Variants in TPRG1 observed in about 807,000 individuals in gnomAD.
The protein encoded by TPRG1 is tumor protein p63-regulated gene 1 protein.
TPRG1 carries 29 observed loss-of-function variants against 29.3 expected under a neutral mutation model. The observed-to-expected ratio is 0.99, with a 90% CI of 0.74 to 1.35. The LOEUF (loss-of-function observed/expected upper bound fraction) is 1.35. TPRG1 is among the 40% of genes most tolerant of loss of function. TPRG1 has a pLI of 0.00. For synonymous variants in TPRG1, 130 were observed against 116.8 expected (o/e 1.11, Z -0.73); for missense variants, 327 against 335.0 (o/e 0.98, Z 0.19).
At chr3:189,242,931 G>C (rs1435977090) in intron 4 of TPRG1, among the ~76,000 whole-genome samples, 12 of 151,888 alleles carry the variant, frequency 7.9e-5, no homozygotes. Flanking sequence ...GTTTATTTAA[G>C]TTGTTGCAGC....
At chr3:189,279,414 G>A (rs1317302298) in intron 4 of TPRG1, among the ~76,000 whole-genome samples, 1 of 152,226 alleles carries the variant, frequency 6.6e-6, no homozygotes, top group Non-Finnish European at 1.5e-5. Flanking sequence ...GGTGCAGAAA[G>A]AGGCAAGTAT....
At chr3:189,098,348 T>C (rs529376800), upstream of TPRG1, among the ~76,000 whole-genome samples, 1 of 152,264 alleles carries the variant, frequency 6.6e-6, no homozygotes, top group Non-Finnish European at 1.5e-5. Flanking sequence ...GAGAGCATGA[T>C]GTCATCTGCT....
upstream of TPRG1, among the ~76,000 whole-genome samples, chr3:189,095,315 A>G (rs933703917): frequency 6.6e-6 from 1 of 152,188 alleles, no homozygotes; most frequent in Non-Finnish European, 1.5e-5. Flanking sequence ...GTCATAGACC[A>G]GAGCATAGAT....
At chr3:189,139,796 T>C (rs1724294084) in intron 3 of TPRG1, among the ~76,000 whole-genome samples, 1 of 152,104 alleles carries the variant, frequency 6.6e-6, no homozygotes. Flanking sequence ...CAATCAAGCT[T>C]CTGTTAACAT....
intron 3 of TPRG1, among the ~76,000 whole-genome samples, chr3:189,144,107 A>G (rs1206439402): frequency 6.6e-6 from 1 of 152,188 alleles, no homozygotes; most frequent in East Asian, 1.9e-4. Context: ...TATCTCTGTT[A>G]AGAGTATACA....
intron 3 of TPRG1, among the ~76,000 whole-genome samples, chr3:189,145,930 ATG>A (rs917948964): frequency 1.3e-5 from 2 of 152,206 alleles, no homozygotes; most frequent in African/African-American, 4.8e-5. Context: ...TTGATATTAT[ATG>A]TGTCTGATAT....
chr3:189,144,272 T>C (rs745927088), intron 3 of TPRG1, among the ~76,000 whole-genome samples: 3 of 152,254 alleles, frequency 2.0e-5, no homozygotes, highest in African/African-American at 7.2e-5. Flanking sequence ...TTGTTTCCTA[T>C]AAGTGGACTT....
At chr3:189,078,405 G>T (rs917158905) in intron 4 of TPRG1, among the ~76,000 whole-genome samples, 1 of 151,922 alleles carries the variant, frequency 6.6e-6, no homozygotes, top group Admixed American at 6.6e-5. Flanking sequence ...CCAAAGTGCT[G>T]GGATTACAGG....
chr3:189,042,131 C>T (rs902649298), intron 4 of TPRG1, among the ~76,000 whole-genome samples: 2 of 151,590 alleles, frequency 1.3e-5, no homozygotes, highest in Non-Finnish European at 2.9e-5. Flanking sequence ...AAACATTGAA[C>T]AATGAAAATA....
chr3:189,159,673 G>T (rs939581479), intron 5 of TPRG1, among the ~76,000 whole-genome samples: 17 of 152,172 alleles, frequency 1.1e-4, no homozygotes, highest in Non-Finnish European at 2.1e-4. Flanking sequence ...TCAGTGGCTG[G>T]TGTGGTTTAA....
intron 4 of TPRG1, among the ~76,000 whole-genome samples, chr3:189,094,605 T>A (rs897069662): frequency 6.6e-6 from 1 of 152,202 alleles, no homozygotes; most frequent in Admixed American, 6.5e-5. Context: ...ATCTTAAATT[T>A]GCGTCATTTG....
intron 4 of TPRG1, among the ~76,000 whole-genome samples, chr3:189,088,395 T>A (rs1718104927): frequency 6.6e-6 from 1 of 152,156 alleles, no homozygotes; most frequent in Admixed American, 6.5e-5. Context: ...CTTAAGGAGA[T>A]TTGGGGCTGA....
At chr3:189,127,398 C>T (rs905089966) in intron 2 of TPRG1, among the ~76,000 whole-genome samples, 1 of 152,168 alleles carries the variant, frequency 6.6e-6, no homozygotes, top group Non-Finnish European at 1.5e-5. Context: ...CATATAGGTG[C>T]TGACATATGT....
chr3:189,101,459 C>T (rs909594143), intron 1 of TPRG1, among the ~76,000 whole-genome samples: 2 of 152,126 alleles, frequency 1.3e-5, no homozygotes, highest in Admixed American at 6.5e-5. Flanking sequence ...ACATTTCACA[C>T]TCACCCCCCA....
At chr3:189,113,186 T>C (rs1441729922) in intron 1 of TPRG1, among the ~76,000 whole-genome samples, 1 of 152,208 alleles carries the variant, frequency 6.6e-6, no homozygotes, top group Non-Finnish European at 1.5e-5. Flanking sequence ...TTGTCTGTTA[T>C]TGGTGTATAA....
At chr3:189,225,307 A>G (rs1248732214) in intron 3 of TPRG1, among the ~76,000 whole-genome samples, 1 of 152,216 alleles carries the variant, frequency 6.6e-6, no homozygotes, top group Non-Finnish European at 1.5e-5. Flanking sequence ...ATACCAAGGT[A>G]ATAAAGTCAG....
chr3:189,220,132 A>G (rs1430035900), intron 3 of TPRG1, among the ~76,000 whole-genome samples: 1 of 152,074 alleles, frequency 6.6e-6, no homozygotes, highest in Non-Finnish European at 1.5e-5. Flanking sequence ...TTGTTTTAAT[A>G]TGTCCTTTTT....
chr3:189,074,199 CTTTTTTTTTTTTTT>C (rs554150288), intron 4 of TPRG1, among the ~76,000 whole-genome samples: 8 of 68,084 alleles, frequency 1.2e-4, no homozygotes, highest in African/African-American at 4.7e-4. Context: ...AATTATTTTC[CTTTTTTTTTTTTTT>C]TTTTTTTTTT....
chr3:189,062,088 A>G (rs1229849915), intron 4 of TPRG1, among the ~76,000 whole-genome samples: 1 of 152,242 alleles, frequency 6.6e-6, no homozygotes, highest in Non-Finnish European at 1.5e-5. Flanking sequence ...CCTATACACC[A>G]TGTTATACTG....
Sources: gnomAD v4.1 joint callset for allele counts (sites outside exome capture counted in the v4.1 genomes callset) on GRCh38, gnomAD v4.1.1 for gene constraint, MANE v1.5 for transcripts, NCBI Gene and HGNC (gene_info 2026-07-23, HGNC 2026-07-21) for gene names.